Variants in IL1RAPL1 observed in about 807,000 individuals in gnomAD.
IL1RAPL1 encodes interleukin 1 receptor accessory protein like 1, also known as interleukin-1 receptor accessory protein-like 1.
IL1RAPL1 carries 3 observed loss-of-function variants against 48.4 expected under a neutral mutation model. The observed-to-expected ratio is 0.06, with a 90% CI of 0.03 to 0.16. The LOEUF (loss-of-function observed/expected upper bound fraction) is 0.16. Among genes scored for constraint, IL1RAPL1 ranks in the 10% least tolerant of loss-of-function variants. The pLI is 1.00. For synonymous variants in IL1RAPL1, 185 were observed against 187.7 expected, an observed-to-expected ratio of 0.99 and a Z score of 0.12; for missense variants, 349 against 530.6, an observed-to-expected ratio of 0.66 and a Z score of 3.36.
At chrX:28,811,326 G>T (rs1018412077) in intron 2 of IL1RAPL1, among the ~76,000 whole-genome samples, 1 of 111,102 alleles carries the variant, frequency 9.0e-6, no homozygotes, top group African/African-American at 3.3e-5. Flanking sequence ...CATAGAAAAA[G>T]TGTGACCTAT....
At chrX:29,335,146 G>A (rs1262727446) in intron 3 of IL1RAPL1, among the ~76,000 whole-genome samples, 4 of 103,847 alleles carry the variant, frequency 3.9e-5, no homozygotes, top group Non-Finnish European at 8.1e-5. Flanking sequence ...GCGTGGCGTC[G>A]CAGGCACTCG....
chrX:29,287,699 CTCTT>C (rs1932304868), intron 3 of IL1RAPL1, among the ~76,000 whole-genome samples: 1 of 112,144 alleles, frequency 8.9e-6, no homozygotes, highest in Admixed American at 9.5e-5. Flanking sequence ...TTTGCCATCT[CTCTT>C]CTTGTCAGTA....
At chrX:29,366,234 A>C (rs1933452919) in intron 3 of IL1RAPL1, among the ~76,000 whole-genome samples, 1 of 110,958 alleles carries the variant, frequency 9.0e-6, no homozygotes, top group Admixed American at 9.7e-5. Flanking sequence ...ATTAAGAAGA[A>C]AGTCTGAGAA....
intron 6 of IL1RAPL1, among the ~76,000 whole-genome samples, chrX:29,864,352 G>A (rs1210175471): frequency 8.9e-6 from 1 of 112,228 alleles, no homozygotes; most frequent in Non-Finnish European, 1.9e-5. Flanking sequence ...AAGAAGGATA[G>A]ACTGCATTGC....
intron 6 of IL1RAPL1, among the ~76,000 whole-genome samples, chrX:29,876,054 G>A (rs961928402): frequency 1.4e-4 from 15 of 110,989 alleles, no homozygotes; most frequent in Admixed American, 2.9e-4. Context: ...GTAGGCCCCC[G>A]TGTATTAGTT....
intron 6 of IL1RAPL1, among the ~76,000 whole-genome samples, chrX:29,767,145 C>G (rs776741838): frequency 2.1e-4 from 23 of 111,713 alleles, no homozygotes; most frequent in Non-Finnish European, 3.6e-4. Flanking sequence ...AAGGATTGCT[C>G]CCAGTTGTAA....
At chrX:29,947,238 C>T (rs186392629) in intron 9 of IL1RAPL1, among the ~76,000 whole-genome samples, 1 of 111,889 alleles carries the variant, frequency 8.9e-6, no homozygotes, top group Non-Finnish European at 1.9e-5. Flanking sequence ...CTTTGCTCCT[C>T]CATGTCTCTG....
At chrX:29,225,357 T>C (rs192794164) in intron 2 of IL1RAPL1, among the ~76,000 whole-genome samples, 97 of 112,136 alleles carry the variant, frequency 8.7e-4, no homozygotes, top group African/African-American at 2.4e-3. Flanking sequence ...TCTTGACCTG[T>C]GCACTATTAA....
chrX:29,623,538 C>T (rs756254740), intron 5 of IL1RAPL1, among the ~76,000 whole-genome samples: 7 of 111,974 alleles, frequency 6.3e-5, no homozygotes, highest in Admixed American at 1.9e-4. Context: ...AAAACAGTCT[C>T]GCCATGACCT....
intron 1 of IL1RAPL1, among the ~76,000 whole-genome samples, chrX:28,675,282 G>T (rs746625756): frequency 8.9e-6 from 1 of 111,809 alleles, no homozygotes; most frequent in Non-Finnish European, 1.9e-5. Context: ...CCTGTTGCTT[G>T]CACTGAATAT....
chrX:29,723,907 T>G (rs746863134), intron 6 of IL1RAPL1, among the ~76,000 whole-genome samples: 4 of 111,038 alleles, frequency 3.6e-5, no homozygotes, highest in African/African-American at 1.3e-4. Context: ...CTCCAGCTCC[T>G]GGGTTCAAAT....
intron 6 of IL1RAPL1, among the ~76,000 whole-genome samples, chrX:29,749,829 G>A (rs1928418623): frequency 8.9e-6 from 1 of 112,209 alleles, no homozygotes; most frequent in African/African-American, 3.2e-5. Flanking sequence ...GAAGCTATTC[G>A]GGAATAGTGA....
chrX:28,677,741 C>T (rs1429119803), intron 1 of IL1RAPL1, among the ~76,000 whole-genome samples: 4 of 111,005 alleles, frequency 3.6e-5, no homozygotes, highest in East Asian at 2.8e-4. Context: ...GCATGTACCA[C>T]GAAGCCCAAC....
At chrX:29,367,971 T>C (rs1933489733) in intron 3 of IL1RAPL1, among the ~76,000 whole-genome samples, 1 of 110,586 alleles carries the variant, frequency 9.0e-6, no homozygotes, top group Non-Finnish European at 1.9e-5. Flanking sequence ...ATTATTTATA[T>C]ATTTGTATTT....
At chrX:29,890,025 A>C (rs1226770844) in intron 6 of IL1RAPL1, among the ~76,000 whole-genome samples, 1 of 111,554 alleles carries the variant, frequency 9.0e-6, no homozygotes, top group African/African-American at 3.3e-5. Flanking sequence ...TCTTCAAAGA[A>C]GATTTTTTAT....
chrX:28,988,066 CTCA>C (rs1012211094), intron 2 of IL1RAPL1, among the ~76,000 whole-genome samples: 2 of 111,872 alleles, frequency 1.8e-5, no homozygotes, highest in African/African-American at 6.5e-5. Flanking sequence ...TTATCCACTT[CTCA>C]TCATAAAATT....
At chrX:29,170,232 T>C (rs1430578905) in intron 2 of IL1RAPL1, among the ~76,000 whole-genome samples, 1 of 111,844 alleles carries the variant, frequency 8.9e-6, no homozygotes, top group Non-Finnish European at 1.9e-5. Context: ...TTTCAATTCA[T>C]GTAGAAATCA....
At chrX:29,313,253 CTGTGTGTGTGTG>C (rs35894909) in intron 3 of IL1RAPL1, among the ~76,000 whole-genome samples, 6 of 90,795 alleles carry the variant, frequency 6.6e-5, no homozygotes, top group African/African-American at 2.3e-4. Context: ...ACATACAAGC[CTGTGTGTGTGTG>C]TGTGTGTGTG....
At chrX:29,869,891 T>G (rs1272117090) in intron 6 of IL1RAPL1, among the ~76,000 whole-genome samples, 1 of 109,955 alleles carries the variant, frequency 9.1e-6, no homozygotes, top group Non-Finnish European at 1.9e-5. Flanking sequence ...ATGAATGGGG[T>G]CACAGTACAT....
Sources: gnomAD v4.1 joint callset for allele counts (sites outside exome capture counted in the v4.1 genomes callset) on GRCh38, gnomAD v4.1.1 for gene constraint, MANE v1.5 for transcripts, NCBI Gene and HGNC (gene_info 2026-07-23, HGNC 2026-07-21) for gene names.